The following ZNF608 variants were observed in gnomAD, a reference collection of about 807,000 sequenced individuals.
ZNF608 encodes renal carcinoma antigen NY-REN-36.
In ZNF608, 12 loss-of-function variants were observed where a neutral mutation model predicts 109.0. That is an observed-to-expected ratio of 0.11 (90% CI 0.07 to 0.18). The LOEUF (loss-of-function observed/expected upper bound fraction) is 0.18, where lower values mean the gene tolerates loss of function less well. Among genes scored for constraint, ZNF608 ranks in the 10% least tolerant of loss-of-function variants. The probability of loss-of-function intolerance (pLI) is 1.00; values close to 1 mark genes in which losing one functional copy is unlikely to be tolerated. For missense variants in ZNF608, 1,707 were observed against 1,879.3 expected (o/e 0.91, Z 1.70); for synonymous variants, 732 against 717.4 (o/e 1.02, Z -0.33).
In ZNF608 at chr5:124,744,179, G is replaced by C. The variant is rs763510412; in HGVS notation, c.811C>G (p.Pro271Ala). 6.2e-7 allele frequency: 1 copy of C among 1,613,480 alleles called. No individual in the cohort carries two copies. Among genetic ancestry groups the C allele is most frequent in the Non-Finnish European group, 8.5e-7 (1 of 1,179,998 alleles). The change falls in exon 2 of 10, where the codon CCG becomes GCG. Residue 271 changes from proline to alanine, a missense_variant. Coordinates refer to ENST00000513986, the MANE Select transcript of ZNF608 (RefSeq NM_020747.3). This position sits in a 1 kb window ranked among gnomAD's most constrained non-coding sequence, Gnocchi z 4.5. The stretch of plus-strand genomic sequence containing the variant: ...GAGTTTCCCATGAGCCCTGAATCCG[G>C]GGCACTTTTGCTAACTTCCCCTGCA... ...AAAGEVSKSA[P>A]DSGLMGNSML...
intron 2 of ZNF608, among the ~76,000 whole-genome samples, chr5:124,732,336 T>C (rs1256465673): frequency 1.3e-5 from 2 of 152,110 alleles, no homozygotes; most frequent in East Asian, 1.9e-4. Context: ...CAGATTAAGA[T>C]AAAGGGTTTC....
Position 124,649,083 on chromosome 5 carries a change from C to T in ZNF608, c.1301G>A (p.Arg434Lys), listed in dbSNP as rs745554672. The T allele has an allele frequency of 6.3e-7, 1 of 1,597,728 alleles. No homozygotes were observed. Among genetic ancestry groups the T allele is most frequent in the Non-Finnish European group, 8.5e-7 (1 of 1,175,032 alleles). ...AGCAGCAGACCTCGCTCTCTTCCCT[C>T]TGCCCCGGCCCCCTCTCATCTCCAG... ...SDLEMRGGRG[R>K]GKRARSAAAA... is the part of the protein sequence containing the mutation. The change falls in exon 5 of 10, where the codon AGA becomes AAA. Residue 434 changes from arginine to lysine, a missense_variant. Arg to Lys is a conservative substitution (Grantham distance 26). Coordinates refer to ENST00000513986, the MANE Select transcript of ZNF608 (RefSeq NM_020747.3).
intron 2 of ZNF608, among the ~76,000 whole-genome samples, chr5:124,742,716 A>G (rs913555564): frequency 2.0e-4 from 30 of 152,196 alleles, no homozygotes; most frequent in African/African-American, 7.0e-4. Flanking sequence ...GCCTCTATCA[A>G]CTTTTAAAAA....
At chr5:124,720,171 A>G (rs1220990653) in intron 2 of ZNF608, among the ~76,000 whole-genome samples, 2 of 152,160 alleles carry the variant, frequency 1.3e-5, no homozygotes, top group Non-Finnish European at 2.9e-5. Context: ...ATTTTAGAAA[A>G]GAAATAGCCT....
intron 2 of ZNF608, among the ~76,000 whole-genome samples, chr5:124,736,331 A>G (rs1460814364): frequency 6.6e-6 from 1 of 152,212 alleles, no homozygotes; most frequent in Non-Finnish European, 1.5e-5. Context: ...CAAGGCTTCA[A>G]CCCTTCCAGT....
intron 3 of ZNF608, among the ~76,000 whole-genome samples, chr5:124,684,166 T>TC (rs1332834283): frequency 6.6e-6 from 1 of 152,264 alleles, no homozygotes; most frequent in Non-Finnish European, 1.5e-5. Flanking sequence ...CTAATAATTT[T>TC]GTTTAGAATT....
upstream of ZNF608, among the ~76,000 whole-genome samples, chr5:124,747,009 G>T (rs1360827739): frequency 6.6e-6 from 1 of 151,854 alleles, no homozygotes; most frequent in Non-Finnish European, 1.5e-5. Context: ...CTCAGTCTTC[G>T]AAACCTAAAG....
At chr5:124,657,266 C>T (rs1036312881) in intron 3 of ZNF608, among the ~76,000 whole-genome samples, 6 of 152,028 alleles carry the variant, frequency 3.9e-5, no homozygotes, top group Non-Finnish European at 7.4e-5. Context: ...GAGGCTGCAC[C>T]GCACATATAG....
At position 124,644,302 on chromosome 5, in the gene ZNF608, G is replaced by A. The variant is rs139462750; in HGVS notation, c.4065C>T (p.Tyr1355=). The stretch of plus-strand genomic sequence containing the variant: ...CCCGGTATGCAGGATGGCTGGGGTC[G>A]TACATCTGTGGGTAAGGATAAGCAT... ...YLHAYPYPQM[Y]DPSHPAYRAV... is the part of the protein sequence containing the mutation. The change falls in exon 6 of 10, where the codon TAC becomes TAT. Residue 1355 remains tyrosine, a synonymous_variant. Coordinates refer to ENST00000513986, the MANE Select transcript of ZNF608 (RefSeq NM_020747.3). The A allele has an allele frequency of 5.9e-5, 96 of 1,613,806 alleles. No homozygotes were observed. In the African/African-American group the frequency reaches 1.1e-3, roughly 18 times the overall value.
chr5:124,719,823 T>A (rs1172647474), intron 2 of ZNF608, among the ~76,000 whole-genome samples: 1 of 152,186 alleles, frequency 6.6e-6, no homozygotes, highest in African/African-American at 2.4e-5. Context: ...CTAACCTACC[T>A]AGGAGATGAG....
At chr5:124,663,844 C>G (rs72781223) in intron 3 of ZNF608, among the ~76,000 whole-genome samples, 3 of 152,166 alleles carry the variant, frequency 2.0e-5, no homozygotes, top group Non-Finnish European at 2.9e-5. Context: ...TGCTTTCTGT[C>G]TTGATAAAGT....
At chr5:124,683,861 G>A (rs541210659) in intron 3 of ZNF608, among the ~76,000 whole-genome samples, 6 of 152,300 alleles carry the variant, frequency 3.9e-5, no homozygotes, top group South Asian at 2.1e-4. Context: ...GTACAGGCAC[G>A]TTAGACCAGG....
chr5:124,648,233 G>A lies in ZNF608; in HGVS notation c.2151C>T (p.Gly717=), dbSNP rs749855112. The A allele has an allele frequency of 1.2e-6, 2 of 1,614,132 alleles. No homozygotes were observed. The highest frequency in any genetic ancestry group is 2.7e-5 in the African/African-American group (2 of 75,026). ...CCGTTTTGCAGTTGGTAGCTTTTTT[G>A]CCCTTTTCTTTATCTCCTAAATTTT... ...DKKNLGDKEK[G]KKATNCKTDK... Residue 717 remains glycine (G), a synonymous_variant, in exon 5 of 10, where the codon GGC becomes GGT. Coordinates refer to ENST00000513986, the MANE Select transcript of ZNF608 (RefSeq NM_020747.3).
intron 3 of ZNF608, among the ~76,000 whole-genome samples, chr5:124,675,898 G>C (rs953797704): frequency 6.6e-6 from 1 of 152,150 alleles, no homozygotes; most frequent in Admixed American, 6.5e-5. Flanking sequence ...ATAAGGCAAA[G>C]GTTTAGGAAG....
intron 2 of ZNF608, among the ~76,000 whole-genome samples, chr5:124,735,649 T>G (rs193106583): frequency 6.6e-6 from 1 of 152,352 alleles, no homozygotes; most frequent in Admixed American, 6.5e-5. Flanking sequence ...AATGGAGTAA[T>G]GTTTGGAAAC....
In ZNF608 at chr5:124,664,072, A is replaced by G. The variant is rs555688942; in HGVS notation, c.1163-14375T>C. On this transcript the variant is annotated intron_variant, in intron 3 of 9. Coordinates refer to ENST00000513986, the MANE Select transcript of ZNF608 (RefSeq NM_020747.3). The stretch of plus-strand genomic sequence containing the variant: ...TTAAGCTCATAACTACGATGGGCTA[A>G]CAGGACCAAAACATATTTTGTAAAG... Among the ~76,000 whole-genome samples, 12 of 152,358 alleles carry G rather than the reference A, an allele frequency of 7.9e-5. No individual in the cohort carries two copies. The South Asian group carries it at 2.1e-3, about 26-fold the overall frequency.
chr5:124,733,452 T>G (rs928988788), intron 2 of ZNF608, among the ~76,000 whole-genome samples: 1 of 152,082 alleles, frequency 6.6e-6, no homozygotes, highest in African/African-American at 2.4e-5. Context: ...AGGCCCCAAT[T>G]AAGCACCCTG....
intron 2 of ZNF608, among the ~76,000 whole-genome samples, chr5:124,723,179 C>T (rs113648839): frequency 0.17 from 26,408 of 151,776 alleles, 2,621 homozygotes; most frequent in Admixed American, 0.27. Context: ...TACAGGCACG[C>T]GACACCACTC....
At position 124,746,530 on chromosome 5, in the gene ZNF608, T is replaced by G; in HGVS notation, c.-519A>C. On this transcript the variant is annotated 5_prime_UTR_variant, in exon 1 of 10. It removes the in-frame stop codon of an upstream open reading frame in the 5' UTR. Coordinates refer to ENST00000513986, the MANE Select transcript of ZNF608 (RefSeq NM_020747.3). ...ATAGTTTTTTAAAAAACAGAGAGTT[T>G]AGAGAAAAAAGTTTTCCCAACTTCT... 1.0e-6 allele frequency: 1 copy of G among 985,410 alleles called. No homozygotes were observed. The highest frequency in any genetic ancestry group is 1.2e-6 in the Non-Finnish European group (1 of 829,920). The allele number at this position is 985,410 out of a possible 1,614,324, so 61.0% of individuals were successfully genotyped here. A position where few individuals can be genotyped will look rare whatever the true frequency, so the allele number is the denominator to read the frequency against.
Sources: gnomAD v4.1 joint callset for allele counts (sites outside exome capture counted in the v4.1 genomes callset) on GRCh38, gnomAD v4.1.1 for gene constraint, Gnocchi (gnomAD v3.1) non-coding constraint, MANE v1.5 for transcripts, NCBI Gene and HGNC (gene_info 2026-07-23, HGNC 2026-07-21) for gene names.